MEIOB: variants seen among roughly 807,000 people sequenced by gnomAD.
MEIOB encodes meiosis-specific with OB domain-containing protein.
A neutral mutation model predicts 53.1 loss-of-function variants in MEIOB; 50 were observed. That is an observed-to-expected ratio of 0.94 (90% confidence interval 0.75 to 1.19). The LOEUF is 1.19. Among genes scored for constraint, MEIOB ranks in the 50% most tolerant of loss-of-function variants. The pLI, the probability that MEIOB is intolerant of heterozygous loss-of-function variation, is 0.00. For missense variants in MEIOB, 551 were observed against 550.8 expected, an observed-to-expected ratio of 1.00 and a Z score of 0.00; for synonymous variants, 192 against 182.5, an observed-to-expected ratio of 1.05 and a Z score of -0.42.
chr16:1,841,074 T>C (rs1247848097), intron 11 of MEIOB: 2 of 143,376 alleles, frequency 1.4e-5, no homozygotes, highest in African/African-American at 5.2e-5. Flanking sequence ...TGGAGTGCAA[T>C]GGTGCAATCT....
At chr16:1,860,706 A>C (rs531918682) in intron 4 of MEIOB, among the ~76,000 whole-genome samples, 1 of 152,268 alleles carries the variant, frequency 6.6e-6, no homozygotes, top group African/African-American at 2.4e-5. Flanking sequence ...TATTCAAGGG[A>C]TGTCTATAGC....
intron 13 of MEIOB, 178 bp downstream of exon 13, chr16:1,837,606 C>T: frequency 2.2e-6 from 1 of 458,932 alleles, no homozygotes; most frequent in Non-Finnish European, 3.9e-6. Flanking sequence ...CTCCTTTATA[C>T]AATATGAAAA....
At chr16:1,839,714 T>G in intron 11 of MEIOB, 1 of 337,808 alleles carries the variant, frequency 3.0e-6, no homozygotes, top group Admixed American at 4.6e-5. Context: ...CCAGTCTCAT[T>G]TCCTTGCTGG....
At chr16:1,849,538 T>A (rs1435716653) in intron 9 of MEIOB, among the ~76,000 whole-genome samples, 6 of 5,846 alleles carry the variant, frequency 1.0e-3, no homozygotes, top group African/African-American at 2.6e-3. Flanking sequence ...AGAGTGAGAC[T>A]CCGTCTCAAA....
chr16:1,859,410 G>C (rs978569896), intron 5 of MEIOB, among the ~76,000 whole-genome samples: 1 of 152,018 alleles, frequency 6.6e-6, no homozygotes, highest in Non-Finnish European at 1.5e-5. Context: ...GGTGTGGGGC[G>C]TGTGCCTGTA....
chr16:1,857,015 G>C (rs966740515), intron 6 of MEIOB, among the ~76,000 whole-genome samples: 1 of 152,132 alleles, frequency 6.6e-6, no homozygotes, highest in African/African-American at 2.4e-5. Context: ...CTCTGCCTTG[G>C]TCTCCCAAAG....
intron 12 of MEIOB, among the ~76,000 whole-genome samples, chr16:1,838,451 G>C (rs776706678): frequency 6.6e-6 from 1 of 152,160 alleles, no homozygotes; most frequent in Non-Finnish European, 1.5e-5. Flanking sequence ...TCATGAGCTG[G>C]TTTTAACAAT....
At chr16:1,853,430 T>G (rs1899221195) in intron 7 of MEIOB, among the ~76,000 whole-genome samples, 159 bp from the exon 8 acceptor site, 1 of 152,196 alleles carries the variant, frequency 6.6e-6, no homozygotes, top group Non-Finnish European at 1.5e-5. Context: ...AGCTTCCTCC[T>G]AGGGAGAATT....
At position 1,871,344 on chromosome 16, in the gene MEIOB, C is replaced by T. The variant is rs554064393; in HGVS notation, c.-10+649G>A. Reference sequence around the variant, plus strand: ...ACGCCATTCTCCTGCCTCAGCCTCCCGAGTAGCTGGGACTACAGGCACTCG... The same window carrying T: ...ACGCCATTCTCCTGCCTCAGCCTCCTGAGTAGCTGGGACTACAGGCACTCG... On this transcript the variant is annotated intron_variant, in intron 1 of 13. Coordinates refer to ENST00000325962, the MANE Select transcript of MEIOB (RefSeq NM_001163560.3). 3.9e-3 allele frequency among the ~76,000 whole-genome samples: 462 copies of T among 118,364 alleles called. 30 individuals are homozygous for T. The South Asian group carries it at 0.039, about 10-fold the overall frequency. 77.7% of individuals were successfully genotyped at this position (118,364 alleles called of 152,430 possible). A position where few individuals can be genotyped will look rare whatever the true frequency, so the allele number is the denominator to read the frequency against.
chr16:1,857,663 T>C, intron 6 of MEIOB, 72 bp downstream of exon 6: 1 of 1,230,650 alleles, frequency 8.1e-7, no homozygotes, highest in Non-Finnish European at 1.1e-6. Context: ...GACCACTCCA[T>C]CCCAAACACA....
chr16:1,865,978 C>T lies in MEIOB; in HGVS notation c.70-143G>A, dbSNP rs1899584508. Reference sequence around the variant, plus strand: ...TTTAAATGTATTTATTCCAGGCAAACATCTAAAAGAAGTTCATAAATGTTC... The same window carrying T: ...TTTAAATGTATTTATTCCAGGCAAATATCTAAAAGAAGTTCATAAATGTTC... On this transcript the variant is annotated intron_variant, in intron 2 of 13. Coordinates refer to ENST00000325962, the MANE Select transcript of MEIOB (RefSeq NM_001163560.3). 5.0e-6 allele frequency: 3 copies of T among 597,452 alleles called. No individual in the cohort carries two copies. In the Admixed American group the frequency reaches 1.0e-4, roughly 21 times the overall value. 37.0% of individuals were successfully genotyped at this position (597,452 alleles called of 1,614,324 possible). A position where few individuals can be genotyped will look rare whatever the true frequency, so the allele number is the denominator to read the frequency against.
intron 2 of MEIOB, among the ~76,000 whole-genome samples, chr16:1,867,575 C>G (rs184012665): frequency 9.4e-5 from 14 of 148,248 alleles, no homozygotes; most frequent in African/African-American, 3.5e-4. Flanking sequence ...TGGCTTCAAG[C>G]GATTCTCCTG....
chr16:1,864,172 A>C (rs1899526346), intron 3 of MEIOB, among the ~76,000 whole-genome samples: 1 of 152,170 alleles, frequency 6.6e-6, no homozygotes, highest in Admixed American at 6.5e-5. Context: ...AAAAAGTAAT[A>C]TAACTCAACA....
intron 7 of MEIOB, 107 bp from the exon 8 acceptor site, chr16:1,853,378 C>T (rs1354026873): frequency 1.2e-5 from 11 of 906,934 alleles, no homozygotes; most frequent in Non-Finnish European, 5.1e-6. Context: ...TGGGGTCAGC[C>T]ATCCCCAAGG....
At chr16:1,842,623 C>CAGAAAAAAAAAAAAAAAAA (rs1898939489) in intron 10 of MEIOB, among the ~76,000 whole-genome samples, 1 of 97,776 alleles carries the variant, frequency 1.0e-5, no homozygotes, top group Non-Finnish European at 2.1e-5. Context: ...AACTCCATCT[C>CAGAAAAAAAAAAAAAAAAA]AAAAAGACAG....
chr16:1,837,431 C>G (rs1382939793), intron 13 of MEIOB, among the ~76,000 whole-genome samples: 2 of 152,128 alleles, frequency 1.3e-5, no homozygotes, highest in African/African-American at 4.8e-5. Flanking sequence ...GCCTCAAACT[C>G]CTGGGTTCAG....
intron 10 of MEIOB, among the ~76,000 whole-genome samples, chr16:1,842,385 T>C: frequency 6.8e-6 from 1 of 146,710 alleles, no homozygotes; most frequent in African/African-American, 2.6e-5. Context: ...GAGGTCGAGG[T>C]GGGCAGATCA....
At chr16:1,857,705 G>C in intron 6 of MEIOB, 30 bp downstream of exon 6, 2 of 1,535,356 alleles carry the variant, frequency 1.3e-6, no homozygotes, top group Non-Finnish European at 8.8e-7. Flanking sequence ...CTGCCAGATT[G>C]CACTTGGCTT....
rs778257306 is a variant in MEIOB at position 1,838,632 on chromosome 16, CTTG to C, written c.1218+620_1218+622del. On this transcript the variant is annotated intron_variant, in intron 12 of 13. Transcript: ENST00000325962. ...CCTTATGACTGATCAACATCTCCGA[CTTG>C]TTGTTTTACCCATCGTTACTTGACT... is the stretch of plus-strand genomic sequence containing the variant. Among the ~76,000 whole-genome samples, 10 of 152,224 alleles carry C rather than the reference CTTG, an allele frequency of 6.6e-5. 1 individual carries two copies. The highest frequency in any genetic ancestry group is 2.1e-4 in the South Asian group (1 of 4,820).
Sources: allele counts gnomAD v4.1 joint callset (sites outside exome capture counted in the v4.1 genomes callset), GRCh38; gene constraint gnomAD v4.1.1; transcripts MANE v1.5; gene names NCBI Gene and HGNC (gene_info 2026-07-23, HGNC 2026-07-21).